The following SEMA4D variants were observed in gnomAD, a reference collection of about 807,000 sequenced individuals.
SEMA4D encodes semaphorin 4D.
In SEMA4D, 22 loss-of-function variants were observed where a neutral mutation model predicts 74.8. The observed-to-expected ratio is 0.29, with a 90% confidence interval of 0.21 to 0.42. The LOEUF (loss-of-function observed/expected upper bound fraction) is 0.42, where lower values mean the gene tolerates loss of function less well. Ranked by LOEUF, SEMA4D falls within the 10% of genes least tolerant of loss-of-function variation. SEMA4D has a pLI of 1.00. For synonymous variants in SEMA4D, 445 were observed against 463.7 expected (o/e 0.96, Z 0.52); for missense variants, 937 against 1,118.4 (o/e 0.84, Z 2.31).
At chr9:89,467,265 G>T (rs985833870) in intron 1 of SEMA4D, among the ~76,000 whole-genome samples, 1 of 152,014 alleles carries the variant, frequency 6.6e-6, no homozygotes, top group Non-Finnish European at 1.5e-5. Flanking sequence ...TCCTTACACC[G>T]TAGAACCTGG....
chr9:89,452,113 G>A (rs183424179), intron 2 of SEMA4D, among the ~76,000 whole-genome samples: 43 of 152,146 alleles, frequency 2.8e-4, no homozygotes, highest in South Asian at 2.1e-4. Context: ...CTTGGCCACC[G>A]GCCCCTCCTG....
chr9:89,414,874 A>T (rs73654780), intron 2 of SEMA4D, among the ~76,000 whole-genome samples: 9,414 of 139,346 alleles, frequency 0.068, 619 homozygotes, highest in African/African-American at 0.17. Flanking sequence ...CAGCCAGGAT[A>T]TCTCAGACAT....
Position 89,481,422 on chromosome 9 carries a change from G to A in SEMA4D, c.-310+16497C>T, listed in dbSNP as rs190988975. 1.0e-3 allele frequency among the ~76,000 whole-genome samples: 157 copies of A among 152,314 alleles called. 1 individual carries two copies. Among genetic ancestry groups the A allele is most frequent in the African/African-American group, 3.6e-3 (149 of 41,568 alleles). ...AAAATTAAACCACAGGTGCCACCACGGAGACAAGACCTGCCCCAGGAAGTG... is the reference window on the plus strand; with the variant it reads ...AAAATTAAACCACAGGTGCCACCACAGAGACAAGACCTGCCCCAGGAAGTG... On this transcript the variant is annotated intron_variant, in intron 1 of 15. Transcript: ENST00000422704.
intron 2 of SEMA4D, among the ~76,000 whole-genome samples, chr9:89,452,188 T>G (rs1157894261): frequency 6.8e-6 from 1 of 147,224 alleles, no homozygotes; most frequent in Non-Finnish European, 1.5e-5. Flanking sequence ...TTTTGTTTTT[T>G]TTTTTTTTGA....
intron 2 of SEMA4D, among the ~76,000 whole-genome samples, chr9:89,414,463 G>A (rs909286144): frequency 2.0e-5 from 3 of 152,156 alleles, no homozygotes; most frequent in African/African-American, 7.2e-5. Flanking sequence ...CCAGGTGCTG[G>A]GAAACAGAAG....
chr9:89,370,731 T>G (rs1355793342), intron 16 of SEMA4D, among the ~76,000 whole-genome samples: 7 of 143,198 alleles, frequency 4.9e-5, no homozygotes, highest in African/African-American at 1.8e-4. Context: ...GTTTGTGGGG[T>G]GTGGTGTGTG....
intron 13 of SEMA4D, 99 bp downstream of exon 13, chr9:89,386,268 T>C: frequency 9.3e-7 from 1 of 1,070,302 alleles, no homozygotes. Flanking sequence ...CAGAGGGGCC[T>C]GCCCAGGAGC....
chr9:89,384,181 C>G (rs549054525), intron 13 of SEMA4D, among the ~76,000 whole-genome samples: 1 of 152,326 alleles, frequency 6.6e-6, no homozygotes, highest in Admixed American at 6.5e-5. Context: ...CTTGAGGTAT[C>G]TGCACACCCA....
intron 2 of SEMA4D, among the ~76,000 whole-genome samples, chr9:89,411,261 A>G (rs1478088868): frequency 6.6e-6 from 1 of 152,172 alleles, no homozygotes; most frequent in Non-Finnish European, 1.5e-5. Flanking sequence ...GAAGTTATTA[A>G]CCCCAGGGAA....
In SEMA4D at chr9:89,463,960, C is replaced by T. The variant is rs894020594; in HGVS notation, c.-309-8007G>A. ...GACAAAAAAAAAAAAAGAACCAAAT[C>T]GTGCCAACTAGAGCCAAAGGCTTAA... is the stretch of plus-strand genomic sequence containing the variant. On this transcript the variant is annotated intron_variant, in intron 1 of 15. Coordinates refer to ENST00000422704, the MANE Select transcript of SEMA4D (RefSeq NM_001371194.2). Among the ~76,000 whole-genome samples the T allele has an allele frequency of 1.3e-5, 2 of 150,762 alleles. 1 individual carries two copies. Among genetic ancestry groups the T allele is most frequent in the Admixed American group, 1.3e-4 (2 of 15,132 alleles).
chr9:89,381,571 CCT>C lies in SEMA4D; in HGVS notation c.1447-227_1447-226del, dbSNP rs1837069915. Reference sequence around the variant, plus strand: ...GCTCACTGGGCCTTAGGTCCAAATCCCTCTCTCCCCTGTCTGGGCACCCACAG... The same window carrying C: ...GCTCACTGGGCCTTAGGTCCAAATCCCTCTCCCCTGTCTGGGCACCCACAG... On this transcript the variant is annotated intron_variant, in intron 13 of 15. Coordinates refer to ENST00000422704, the MANE Select transcript of SEMA4D (RefSeq NM_001371194.2). This position sits in a 1 kb window ranked among gnomAD's most constrained non-coding sequence, Gnocchi z 4.6. 2.3e-6 allele frequency: 1 copy of C among 426,750 alleles called. No individual in the cohort carries two copies. Among genetic ancestry groups the C allele is most frequent in the African/African-American group, 2.0e-5 (1 of 50,150 alleles). The allele number at this position is 426,750 out of a possible 1,614,324, so 26.4% of individuals were successfully genotyped here.
chr9:89,394,772 C>T (rs1840569964), intron 6 of SEMA4D, among the ~76,000 whole-genome samples: 2 of 152,258 alleles, frequency 1.3e-5, no homozygotes, highest in African/African-American at 4.8e-5. Flanking sequence ...GTGAACCCCA[C>T]TGGATGTGAC....
chr9:89,480,625 G>C (rs1824535961), intron 1 of SEMA4D, among the ~76,000 whole-genome samples: 1 of 152,214 alleles, frequency 6.6e-6, no homozygotes, highest in Non-Finnish European at 1.5e-5. Context: ...AGCACTGCTG[G>C]GGGACTCAGT....
intron 1 of SEMA4D, among the ~76,000 whole-genome samples, chr9:89,483,847 A>T (rs1824925509): frequency 6.6e-6 from 1 of 152,212 alleles, no homozygotes; most frequent in Non-Finnish European, 1.5e-5. Flanking sequence ...CCTGATGGTC[A>T]AGAAGCTTTT....
At chr9:89,488,103 G>A (rs1437728915) in intron 1 of SEMA4D, among the ~76,000 whole-genome samples, 1 of 152,194 alleles carries the variant, frequency 6.6e-6, no homozygotes, top group South Asian at 2.1e-4. Flanking sequence ...CAGAGACAGT[G>A]TGATACTGGG....
chr9:89,426,854 G>A (rs982050018), intron 2 of SEMA4D, among the ~76,000 whole-genome samples: 1 of 152,182 alleles, frequency 6.6e-6, no homozygotes, highest in Non-Finnish European at 1.5e-5. Context: ...AGTGGTCACT[G>A]TGGGCAGGTG....
At chr9:89,421,051 C>T (rs1846822809) in intron 2 of SEMA4D, among the ~76,000 whole-genome samples, 1 of 152,258 alleles carries the variant, frequency 6.6e-6, no homozygotes, top group Non-Finnish European at 1.5e-5. Flanking sequence ...ACAACCCCTA[C>T]TGCCAGGGAC....
chr9:89,464,775 G>A (rs781661939), intron 1 of SEMA4D, among the ~76,000 whole-genome samples: 1 of 152,046 alleles, frequency 6.6e-6, no homozygotes, highest in Non-Finnish European at 1.5e-5. Flanking sequence ...CAGGGTTGCA[G>A]GGGTCCCCCG....
chr9:89,458,564 C>A (rs573449766), intron 1 of SEMA4D, among the ~76,000 whole-genome samples: 6 of 151,958 alleles, frequency 3.9e-5, no homozygotes, highest in African/African-American at 1.2e-4. Context: ...AGACACACAC[C>A]CACCCACACT....
Sources: allele counts gnomAD v4.1 joint callset (sites outside exome capture counted in the v4.1 genomes callset), GRCh38; gene constraint gnomAD v4.1.1; non-coding constraint Gnocchi (gnomAD v3.1); transcripts MANE v1.5; gene names NCBI Gene and HGNC (gene_info 2026-07-23, HGNC 2026-07-21).